The following KCNIP4 variants were observed in gnomAD, a reference collection of about 807,000 sequenced individuals.
KCNIP4 encodes Kv channel-interacting protein 4.
In KCNIP4, 12 loss-of-function variants were observed where a neutral mutation model predicts 34.0. The ratio of observed to expected loss-of-function variants is 0.35; its 90% CI spans 0.23 to 0.57. The LOEUF (loss-of-function observed/expected upper bound fraction) is 0.57, where lower values mean the gene tolerates loss of function less well. Among genes scored for constraint, KCNIP4 ranks in the 20% least tolerant of loss-of-function variants. KCNIP4 has a pLI of 0.83. For missense variants in KCNIP4, 238 were observed against 311.7 expected (o/e 0.76, Z 1.78); for synonymous variants, 124 against 102.2 (o/e 1.21, Z -1.29).
intron 2 of KCNIP4, among the ~76,000 whole-genome samples, chr4:20,869,166 A>AG (rs781676905): frequency 4.4e-4 from 67 of 152,086 alleles, no homozygotes; most frequent in Non-Finnish European, 8.2e-4. Context: ...CTGGTATATT[A>AG]GGGGGATGAT....
chr4:21,655,912 G>A (rs553660376), intron 1 of KCNIP4, among the ~76,000 whole-genome samples: 1 of 152,284 alleles, frequency 6.6e-6, no homozygotes, highest in African/African-American at 2.4e-5. Context: ...CCTTACTAGT[G>A]GGTAGAGGAC....
At position 20,799,888 on chromosome 4, in the gene KCNIP4, T is replaced by C. The variant is rs373910707; in HGVS notation, c.289-40998A>G. Among the ~76,000 whole-genome samples the C allele has an allele frequency of 1.3e-3, 196 of 152,246 alleles. 4 individuals carry two copies. In the South Asian group the frequency reaches 0.039, roughly 30 times the overall value. ...CAGTGCTGTACCCTGTTTCCCAGGG[T>C]CAGAACATAGCTATATTACAGCCTC... On this transcript the variant is annotated intron_variant, in intron 3 of 8. Transcript: ENST00000382152.
At position 21,369,562 on chromosome 4, in the gene KCNIP4, A is replaced by G. The variant is rs907591367; in HGVS notation, c.62-486853T>C. Reference sequence around the variant, plus strand: ...CAGTGAGCCATGATTGTACCTTTACACTCCAGCCTGGGTGCCAGAGTGAGA... The same window carrying G: ...CAGTGAGCCATGATTGTACCTTTACGCTCCAGCCTGGGTGCCAGAGTGAGA... On this transcript the variant is annotated intron_variant, in intron 1 of 8. Transcript: ENST00000382152. 2.7e-5 allele frequency among the ~76,000 whole-genome samples: 4 copies of G among 146,662 alleles called. 1 individual carries two copies. Among genetic ancestry groups the G allele is most frequent in the African/African-American group, 1.1e-4 (4 of 36,458 alleles).
intron 3 of KCNIP4, among the ~76,000 whole-genome samples, chr4:20,785,835 C>T (rs1373403733): frequency 6.6e-6 from 1 of 151,956 alleles, no homozygotes; most frequent in Non-Finnish European, 1.5e-5. Context: ...GTGGAAGGAT[C>T]TCCATTTCTT....
chr4:20,981,646 T>G (rs1315118736), intron 1 of KCNIP4, among the ~76,000 whole-genome samples: 4 of 152,200 alleles, frequency 2.6e-5, no homozygotes, highest in Admixed American at 2.6e-4. Flanking sequence ...AAATAAGAGT[T>G]GGCCCAAACT....
At chr4:21,044,886 T>C (rs1742303295) in intron 1 of KCNIP4, among the ~76,000 whole-genome samples, 3 of 152,226 alleles carry the variant, frequency 2.0e-5, no homozygotes, top group Non-Finnish European at 2.9e-5. Flanking sequence ...GGGGGCCACC[T>C]GCTCCTTTCA....
At chr4:21,402,188 C>G (rs539261768) in intron 1 of KCNIP4, among the ~76,000 whole-genome samples, 1 of 152,280 alleles carries the variant, frequency 6.6e-6, no homozygotes, top group South Asian at 2.1e-4. Flanking sequence ...AATTCACTGG[C>G]TAGATGGATT....
intron 1 of KCNIP4, among the ~76,000 whole-genome samples, chr4:21,351,566 C>T (rs987409840): frequency 6.6e-6 from 1 of 152,090 alleles, no homozygotes; most frequent in Non-Finnish European, 1.5e-5. Flanking sequence ...TGAGAACATA[C>T]TAATACAGTT....
intron 3 of KCNIP4, among the ~76,000 whole-genome samples, chr4:20,769,919 G>T (rs1024110293): frequency 6.6e-6 from 1 of 152,136 alleles, no homozygotes; most frequent in African/African-American, 2.4e-5. Flanking sequence ...TTTGGTAAAG[G>T]ACTCGTGTGA....
intron 1 of KCNIP4, among the ~76,000 whole-genome samples, chr4:21,311,972 C>G (rs1245928448): frequency 6.6e-6 from 1 of 152,134 alleles, no homozygotes; most frequent in African/African-American, 2.4e-5. Context: ...CTAGACTAGT[C>G]TAGTCTTATT....
intron 1 of KCNIP4, among the ~76,000 whole-genome samples, chr4:20,906,866 A>C (rs1727823249): frequency 6.6e-6 from 1 of 152,254 alleles, no homozygotes; most frequent in Admixed American, 6.5e-5. Flanking sequence ...GTATCTGGGA[A>C]GAATGAGGAA....
chr4:21,405,796 A>G lies in KCNIP4; in HGVS notation c.62-523087T>C, dbSNP rs1362959911. On this transcript the variant is annotated intron_variant, in intron 1 of 8. Transcript: ENST00000382152. ...CTCTATCTCATCATCAGGGGGTCTC[A>G]GTCCATCACAGCTAGTGGCCTGTCA... is the stretch of plus-strand genomic sequence containing the variant. 2.6e-5 allele frequency among the ~76,000 whole-genome samples: 4 copies of G among 152,320 alleles called. No homozygotes were observed. In the East Asian group the frequency reaches 7.7e-4, roughly 29 times the overall value.
intron 1 of KCNIP4, among the ~76,000 whole-genome samples, chr4:21,212,500 A>G (rs995035822): frequency 1.1e-4 from 16 of 152,178 alleles, no homozygotes; most frequent in African/African-American, 3.9e-4. Flanking sequence ...CAAAAGGGTA[A>G]AACATTGTTT....
chr4:21,259,330 C>T (rs1015301692), intron 1 of KCNIP4, among the ~76,000 whole-genome samples: 1 of 152,202 alleles, frequency 6.6e-6, no homozygotes, highest in South Asian at 2.1e-4. Context: ...TACAGTGGGT[C>T]TATTTTAATT....
intron 2 of KCNIP4, among the ~76,000 whole-genome samples, chr4:20,881,267 G>A (rs758153371): frequency 1.8e-4 from 27 of 152,176 alleles, no homozygotes; most frequent in Middle Eastern, 6.8e-3. Context: ...GTTGTTTGTG[G>A]TTCTTTCCAT....
intron 1 of KCNIP4, among the ~76,000 whole-genome samples, chr4:21,559,493 T>C (rs1739347310): frequency 6.6e-6 from 1 of 152,110 alleles, no homozygotes; most frequent in Admixed American, 6.6e-5. Flanking sequence ...GACTAATTGA[T>C]GGCATCTGTC....
intron 1 of KCNIP4, among the ~76,000 whole-genome samples, chr4:21,565,763 T>C (rs1243292636): frequency 2.0e-5 from 3 of 152,166 alleles, no homozygotes; most frequent in Non-Finnish European, 4.4e-5. Flanking sequence ...TTTAAAGCTC[T>C]TATTTTTGAA....
intron 1 of KCNIP4, among the ~76,000 whole-genome samples, chr4:21,579,675 G>T (rs1417849898): frequency 6.6e-6 from 1 of 152,096 alleles, no homozygotes; most frequent in African/African-American, 2.4e-5. Context: ...ACTCTACTGA[G>T]AATAAACTAC....
chr4:21,043,538 C>T (rs1742146155), intron 1 of KCNIP4, among the ~76,000 whole-genome samples: 2 of 151,676 alleles, frequency 1.3e-5, no homozygotes, highest in Non-Finnish European at 2.9e-5. Context: ...GGGATTTTGC[C>T]ATGTTGGCCA....
Sources: gnomAD v4.1 joint callset for allele counts (sites outside exome capture counted in the v4.1 genomes callset) on GRCh38, gnomAD v4.1.1 for gene constraint, MANE v1.5 for transcripts, NCBI Gene and HGNC (gene_info 2026-07-23, HGNC 2026-07-21) for gene names.